The following CCDC73 variants were observed in gnomAD, a reference collection of about 807,000 sequenced individuals.
The protein encoded by CCDC73 is coiled-coil domain containing 73, also known as coiled-coil domain-containing protein 73.
A neutral mutation model predicts 116.5 loss-of-function variants in CCDC73; 95 were observed. That is an observed-to-expected ratio of 0.82 (90% CI 0.69 to 0.97). The LOEUF (loss-of-function observed/expected upper bound fraction) is 0.97, where lower values mean the gene tolerates loss of function less well. CCDC73 is among the 50% of genes least tolerant of loss of function. The pLI is 0.00. For missense variants in CCDC73, 1,066 were observed against 1,206.8 expected (o/e 0.88, Z 1.73); for synonymous variants, 398 against 401.3 (o/e 0.99, Z 0.10).
chr11:32,766,884 G>A (rs2133383337), intron 1 of CCDC73, among the ~76,000 whole-genome samples: 1 of 152,304 alleles, frequency 6.6e-6, no homozygotes, highest in South Asian at 2.1e-4. Flanking sequence ...TCGTGAAAAT[G>A]GCCATATTGC....
chr11:32,647,127 G>T (rs1855785477), intron 12 of CCDC73, among the ~76,000 whole-genome samples: 1 of 152,136 alleles, frequency 6.6e-6, no homozygotes, highest in Admixed American at 6.5e-5. Context: ...AAATACCTGA[G>T]ACTGGGTAAT....
At chr11:32,716,025 T>C (rs567148487) in intron 3 of CCDC73, among the ~76,000 whole-genome samples, 2 of 152,130 alleles carry the variant, frequency 1.3e-5, no homozygotes, top group South Asian at 4.2e-4. Context: ...ACCCTCTACA[T>C]AGTCCAATAC....
chr11:32,624,352 A>T (rs1452638276), intron 14 of CCDC73, among the ~76,000 whole-genome samples: 1 of 152,008 alleles, frequency 6.6e-6, no homozygotes, highest in East Asian at 1.9e-4. Flanking sequence ...AAATAAAAAA[A>T]TAAATAAATA....
At chr11:32,817,101 T>C in the CCDC73 span, among the ~76,000 whole-genome samples, 10 of 152,236 alleles carry the variant, frequency 6.6e-5, no homozygotes, top group Admixed American at 5.9e-4. Flanking sequence ...GGTTTTCATA[T>C]AGTGAGTTCT....
chr11:32,825,236 T>C, the CCDC73 span, among the ~76,000 whole-genome samples: 10 of 150,980 alleles, frequency 6.6e-5, no homozygotes, highest in Non-Finnish European at 1.5e-4. Context: ...TTCCATGTAA[T>C]GTGTGTCTTT....
chr11:32,706,569 A>G (rs1174873862), intron 3 of CCDC73, among the ~76,000 whole-genome samples: 1 of 152,200 alleles, frequency 6.6e-6, no homozygotes, highest in Non-Finnish European at 1.5e-5. Context: ...TAAGAAAATA[A>G]AGGAAAATAA....
At chr11:32,724,628 T>C (rs1850015751) in intron 2 of CCDC73, among the ~76,000 whole-genome samples, 1 of 152,214 alleles carries the variant, frequency 6.6e-6, no homozygotes, top group Non-Finnish European at 1.5e-5. Context: ...TATTTCTAGT[T>C]TTTCTTCAAT....
In CCDC73 at chr11:32,737,963, T is replaced by A. The variant is rs271021; in HGVS notation, c.136-19816A>T. Among the ~76,000 whole-genome samples the A allele has an allele frequency of 7.4e-3, 1,123 of 152,328 alleles. 20 individuals carry two copies. The highest frequency in any genetic ancestry group is 0.026 in the African/African-American group (1,068 of 41,580). On this transcript the variant is annotated intron_variant, in intron 2 of 17. Coordinates refer to ENST00000335185, the MANE Select transcript of CCDC73 (RefSeq NM_001008391.4). ...CATGCAAAGTTTATCTTTCTGTGCCTGGCTTATTTCACTTAACATAATGAC... is the reference window on the plus strand; with the variant it reads ...CATGCAAAGTTTATCTTTCTGTGCCAGGCTTATTTCACTTAACATAATGAC...
At chr11:32,606,168 A>C (rs924825049) in intron 17 of CCDC73, 6 of 152,256 alleles carry the variant, frequency 3.9e-5, no homozygotes, top group Non-Finnish European at 8.8e-5. Context: ...ATAGAGAGAA[A>C]GTGGATTGGT....
intron 1 of CCDC73, among the ~76,000 whole-genome samples, chr11:32,789,699 G>A (rs1048333559): frequency 6.6e-6 from 1 of 152,114 alleles, no homozygotes; most frequent in Non-Finnish European, 1.5e-5. Context: ...CTTGAGCCAG[G>A]GAAGTCAAGG....
intron 2 of CCDC73, among the ~76,000 whole-genome samples, chr11:32,725,405 T>C (rs903481210): frequency 6.6e-6 from 1 of 152,148 alleles, no homozygotes; most frequent in Non-Finnish European, 1.5e-5. Context: ...GGTTTGATAC[T>C]ATCTGAGGTT....
intron 3 of CCDC73, among the ~76,000 whole-genome samples, chr11:32,707,439 T>G (rs190368406): frequency 1.1e-4 from 16 of 152,128 alleles, no homozygotes; most frequent in Admixed American, 9.8e-4. Flanking sequence ...TACTGTCCCT[T>G]TAGATCAAGA....
intron 3 of CCDC73, among the ~76,000 whole-genome samples, chr11:32,706,520 G>A (rs969741914): frequency 3.3e-5 from 5 of 152,176 alleles, no homozygotes; most frequent in African/African-American, 7.2e-5. Flanking sequence ...GTACTTATAC[G>A]CAGAAAGTAC....
Position 32,683,568 on chromosome 11 carries a change from T to C in CCDC73, c.397A>G (p.Lys133Glu). Residue 133 changes from lysine (K) to glutamate (E), a missense_variant, in exon 7 of 18, where the codon AAA (lysine) becomes GAA (glutamate). By Grantham distance (56) the Lys-to-Glu change is moderately conservative. Coordinates refer to ENST00000335185, the MANE Select transcript of CCDC73 (RefSeq NM_001008391.4). Reference sequence around the variant, plus strand: ...CTCACTTTCTTCTGTAAAGAGTATTTAGAAACCTTGAAAAATAAGGGGGAA... The same window carrying C: ...CTCACTTTCTTCTGTAAAGAGTATTCAGAAACCTTGAAAAATAAGGGGGAA... ...KETLKALQVS[K>E]YSLQKKVSEM... The C allele has an allele frequency of 1.3e-6, 2 of 1,495,914 alleles. No individual in the cohort carries two copies. The highest frequency in any genetic ancestry group is 1.8e-6 in the Non-Finnish European group (2 of 1,082,944). 92.7% of individuals were successfully genotyped at this position (1,495,914 alleles called of 1,614,324 possible). A position where few individuals can be genotyped will look rare whatever the true frequency, so the allele number is the denominator to read the frequency against.
At chr11:32,762,739 T>G (rs1271443322) in intron 1 of CCDC73, among the ~76,000 whole-genome samples, 1 of 152,080 alleles carries the variant, frequency 6.6e-6, no homozygotes, top group East Asian at 1.9e-4. Context: ...TGGGTTCATC[T>G]CACTGGGGCA....
intron 3 of CCDC73, among the ~76,000 whole-genome samples, chr11:32,716,904 A>G (rs558285580): frequency 2.0e-5 from 3 of 152,330 alleles, no homozygotes; most frequent in Admixed American, 1.3e-4. Flanking sequence ...GACTGTGATA[A>G]CTTTATGCTG....
chr11:32,662,711 G>T (rs1371929306), intron 9 of CCDC73, among the ~76,000 whole-genome samples: 2 of 152,000 alleles, frequency 1.3e-5, no homozygotes, highest in Non-Finnish European at 2.9e-5. Context: ...AATTGTCAAT[G>T]TTGGCTTTTG....
At chr11:32,791,916 G>A (rs542812231) in intron 1 of CCDC73, among the ~76,000 whole-genome samples, 65 of 151,648 alleles carry the variant, frequency 4.3e-4, no homozygotes, top group African/African-American at 1.4e-3. Context: ...AGTGAGCCAA[G>A]ATCACGCCAC....
At chr11:32,717,429 C>A (rs1002619002) in intron 3 of CCDC73, among the ~76,000 whole-genome samples, 2 of 152,098 alleles carry the variant, frequency 1.3e-5, no homozygotes, top group Non-Finnish European at 2.9e-5. Context: ...TTCTCACTCC[C>A]CTATAACACA....
Sources: allele counts gnomAD v4.1 joint callset (sites outside exome capture counted in the v4.1 genomes callset), GRCh38; gene constraint gnomAD v4.1.1; transcripts MANE v1.5; gene names NCBI Gene and HGNC (gene_info 2026-07-23, HGNC 2026-07-21).